Variants in RNGTT observed in about 807,000 individuals in gnomAD.
The protein encoded by RNGTT is RNA guanylyltransferase and 5'-phosphatase.
A neutral mutation model predicts 79.3 loss-of-function variants in RNGTT; 33 were observed. The observed-to-expected ratio is 0.42, with a 90% CI of 0.32 to 0.56. The LOEUF is 0.56. Ranked by LOEUF, RNGTT falls within the 20% of genes least tolerant of loss-of-function variation. RNGTT has a pLI of 0.17. For missense variants in RNGTT, 497 were observed against 739.1 expected, an observed-to-expected ratio of 0.67 and a Z score of 3.80; for synonymous variants, 222 against 235.9, an observed-to-expected ratio of 0.94 and a Z score of 0.54.
chr6:88,874,550 GT>G (rs1189242311), intron 8 of RNGTT, among the ~76,000 whole-genome samples: 1 of 151,852 alleles, frequency 6.6e-6, no homozygotes, highest in Non-Finnish European at 1.5e-5. Context: ...AGAGGATAAA[GT>G]TTTTTCCCCT....
chr6:88,913,005 A>C (rs1220114681), intron 4 of RNGTT, among the ~76,000 whole-genome samples: 6 of 152,014 alleles, frequency 3.9e-5, no homozygotes, highest in African/African-American at 1.5e-4. Context: ...GGAATTCAAG[A>C]CCAGACAGGC....
chr6:88,610,910 G>A lies in RNGTT; in HGVS notation c.*1809C>T, dbSNP rs1268987514. On this transcript the variant is annotated 3_prime_UTR_variant, in exon 16 of 16. Transcript: ENST00000369485. Reference sequence around the variant, plus strand: ...ACACCGTGGAAGAGTCACTCGTCCTGGGGAAGCAGGCATCAGACTATTTGA... The same window carrying A: ...ACACCGTGGAAGAGTCACTCGTCCTAGGGAAGCAGGCATCAGACTATTTGA... The A allele has an allele frequency of 6.6e-6, 1 of 152,186 alleles. No individual in the cohort carries two copies. Among genetic ancestry groups the A allele is most frequent in the African/African-American group, 2.4e-5 (1 of 41,452 alleles). 9.4% of individuals were successfully genotyped at this position (152,186 alleles called of 1,614,324 possible).
chr6:88,676,108 T>C (rs963456494), intron 14 of RNGTT, among the ~76,000 whole-genome samples: 2 of 152,032 alleles, frequency 1.3e-5, no homozygotes, highest in Non-Finnish European at 2.9e-5. Flanking sequence ...CCAAACAACA[T>C]AGAAAAAGAA....
intron 14 of RNGTT, among the ~76,000 whole-genome samples, chr6:88,662,331 T>C (rs1257786509): frequency 6.6e-6 from 1 of 152,234 alleles, no homozygotes; most frequent in Admixed American, 6.5e-5. Context: ...TGAGGAAGAC[T>C]TCTGAAACTT....
chr6:88,745,076 C>T (rs1430515375), intron 13 of RNGTT, among the ~76,000 whole-genome samples: 1 of 152,130 alleles, frequency 6.6e-6, no homozygotes, highest in African/African-American at 2.4e-5. Context: ...ATAGAAGCTA[C>T]AACTAGTAGG....
intron 13 of RNGTT, among the ~76,000 whole-genome samples, chr6:88,691,572 T>C (rs1321269723): frequency 1.3e-5 from 2 of 152,330 alleles, no homozygotes; most frequent in African/African-American, 2.4e-5. Context: ...GTTGGGATAC[T>C]GGCTATCTTT....
At chr6:88,837,157 C>G (rs1781108885) in intron 11 of RNGTT, among the ~76,000 whole-genome samples, 1 of 152,156 alleles carries the variant, frequency 6.6e-6, no homozygotes, top group African/African-American at 2.4e-5. Flanking sequence ...CTTCGGGAAG[C>G]CAAGGCCAGA....
chr6:88,684,612 C>A (rs1275242352), intron 13 of RNGTT, among the ~76,000 whole-genome samples: 2 of 152,124 alleles, frequency 1.3e-5, no homozygotes, highest in Non-Finnish European at 2.9e-5. Context: ...AGAAGTCAAT[C>A]TTAAAAGCCT....
At chr6:88,842,621 T>C (rs1356165895) in intron 11 of RNGTT, among the ~76,000 whole-genome samples, 1 of 152,224 alleles carries the variant, frequency 6.6e-6, no homozygotes. Flanking sequence ...CCTGAAGGAA[T>C]GGAAGAGTAA....
At chr6:88,891,408 TCATGG>T (rs1783044073) in intron 7 of RNGTT, among the ~76,000 whole-genome samples, 1 of 152,090 alleles carries the variant, frequency 6.6e-6, no homozygotes, top group Admixed American at 6.5e-5. Context: ...TATTTTCAAG[TCATGG>T]CATTCACTGC....
At chr6:88,689,973 C>G (rs1775422280) in intron 13 of RNGTT, among the ~76,000 whole-genome samples, 1 of 151,958 alleles carries the variant, frequency 6.6e-6, no homozygotes, top group Non-Finnish European at 1.5e-5. Context: ...TATCAACACA[C>G]CCCCTTCACT....
rs563631166 is a variant in RNGTT, at chr6:88,919,483, A to C, written c.367+9502T>G. 3.9e-5 allele frequency among the ~76,000 whole-genome samples: 6 copies of C among 152,208 alleles called. No homozygotes were observed. The East Asian group carries it at 1.2e-3, about 29-fold the overall frequency. On this transcript the variant is annotated intron_variant, in intron 4 of 15. Transcript: ENST00000369485. ...TTTTTAAATAAAGCCTGATCTCAACATACACTATTTTGGAGGGTGTGGGGG... is the reference window on the plus strand; with the variant it reads ...TTTTTAAATAAAGCCTGATCTCAACCTACACTATTTTGGAGGGTGTGGGGG...
At chr6:88,672,353 A>G (rs1011648007) in intron 14 of RNGTT, among the ~76,000 whole-genome samples, 2 of 152,136 alleles carry the variant, frequency 1.3e-5, no homozygotes. Context: ...ATATATGTAT[A>G]TGATGAAATA....
intron 13 of RNGTT, among the ~76,000 whole-genome samples, chr6:88,726,338 G>A (rs913796250): frequency 7.2e-6 from 1 of 138,348 alleles, no homozygotes; most frequent in Non-Finnish European, 1.5e-5. Context: ...ACAACTTTTA[G>A]AGGAAACCTC....
At chr6:88,783,935 T>C (rs1440439476) in intron 12 of RNGTT, among the ~76,000 whole-genome samples, 1 of 152,158 alleles carries the variant, frequency 6.6e-6, no homozygotes, top group Non-Finnish European at 1.5e-5. Context: ...ATTGATCAAC[T>C]GCTAAGCCTG....
At chr6:88,771,315 G>GTATATATATATATATATATATATA (rs539282627) in intron 12 of RNGTT, among the ~76,000 whole-genome samples, 3 of 62,070 alleles carry the variant, frequency 4.8e-5, no homozygotes, top group Admixed American at 1.8e-4. Context: ...GTGTGTGTGT[G>GTATATATATATATATATATATATA]TATATATATA....
intron 8 of RNGTT, among the ~76,000 whole-genome samples, chr6:88,871,879 C>T (rs1198655296): frequency 1.3e-5 from 2 of 152,058 alleles, no homozygotes. Flanking sequence ...TTTATGGCCA[C>T]GAAGAAGATG....
intron 10 of RNGTT, among the ~76,000 whole-genome samples, chr6:88,847,816 T>C (rs987856004): frequency 2.0e-5 from 3 of 151,900 alleles, no homozygotes; most frequent in Non-Finnish European, 2.9e-5. Context: ...TTGGAAAACA[T>C]ATTGCCACAC....
intron 1 of RNGTT, among the ~76,000 whole-genome samples, chr6:88,956,040 CAAAAAAAAAAA>C (rs750272502): frequency 2.1e-4 from 5 of 23,654 alleles, no homozygotes; most frequent in East Asian, 2.8e-3. Context: ...GACTCTGTCT[CAAAAAAAAAAA>C]AAAAAAAAAA....
Sources: gnomAD v4.1 joint callset for allele counts (sites outside exome capture counted in the v4.1 genomes callset) on GRCh38, gnomAD v4.1.1 for gene constraint, MANE v1.5 for transcripts, NCBI Gene and HGNC (gene_info 2026-07-23, HGNC 2026-07-21) for gene names.